The following NF1 variants were observed in gnomAD, a reference collection of about 807,000 sequenced individuals.
NF1 encodes neurofibromin.
A neutral mutation model predicts 325.7 loss-of-function variants in NF1; 122 were observed. The ratio of observed to expected loss-of-function variants is 0.37; its 90% CI spans 0.32 to 0.44. NF1 has a LOEUF of 0.44. Ranked by LOEUF, NF1 falls within the 20% of genes least tolerant of loss-of-function variation. NF1 has a pLI of 1.00. For synonymous variants in NF1, 1,091 were observed against 1,186.0 expected, an observed-to-expected ratio of 0.92 and a Z score of 1.65; for missense variants, 2,140 against 3,415.4, an observed-to-expected ratio of 0.63 and a Z score of 9.31.
intron 36 of NF1, among the ~76,000 whole-genome samples, chr17:31,309,213 T>C (rs1470434705): frequency 6.6e-6 from 1 of 152,228 alleles, no homozygotes; most frequent in Non-Finnish European, 1.5e-5. Flanking sequence ...CTCATGTTTT[T>C]ATATTTTGAT....
chr17:31,182,352 A>G lies in NF1; in HGVS notation c.731-156A>G, dbSNP rs143383206. 4.8e-3 allele frequency among the ~76,000 whole-genome samples: 730 copies of G among 152,310 alleles called. 7 individuals are homozygous for G. The highest frequency in any genetic ancestry group is 0.016 in the African/African-American group (666 of 41,566). ...ATAGACAGTATTACATTGCTTGTCT[A>G]CTTACCAGAATGCATTTGTGTAGTT... On this transcript the variant is annotated intron_variant, in intron 7 of 57. Coordinates refer to ENST00000358273, the MANE Select transcript of NF1 (RefSeq NM_001042492.3).
chr17:31,237,423 C>T (rs1278951600), intron 29 of NF1, among the ~76,000 whole-genome samples: 1 of 152,032 alleles, frequency 6.6e-6, no homozygotes, highest in Non-Finnish European at 1.5e-5. Context: ...TACAGGCATG[C>T]ACCACCATGC....
At chr17:31,313,835 T>G in intron 36 of NF1, 1 of 387,590 alleles carries the variant, frequency 2.6e-6, no homozygotes, top group Non-Finnish European at 4.5e-6. Flanking sequence ...CTGAGTATTT[T>G]TTAATTCTAT....
Position 31,279,650 on chromosome 17 carries a change from A to C in NF1, c.4835+14311A>C, listed in dbSNP as rs150395219. Among the ~76,000 whole-genome samples the C allele has an allele frequency of 7.1e-3, 1,082 of 152,210 alleles. 10 individuals are homozygous for C. Among genetic ancestry groups the C allele is most frequent in the South Asian group, 0.032 (154 of 4,822 alleles). On this transcript the variant is annotated intron_variant, in intron 36 of 57. Transcript: ENST00000358273. ...TTTTGTGAACAATGGATATGCAAAA[A>C]GACAGGCCATTGTTATGAGAGGCCT...
intron 12 of NF1, among the ~76,000 whole-genome samples, chr17:31,213,533 C>A (rs960464257): frequency 2.0e-5 from 3 of 151,986 alleles, no homozygotes; most frequent in African/African-American, 7.3e-5. Flanking sequence ...CTTGTTATTT[C>A]TGTATTATAT....
At chr17:31,235,584 A>G (rs764364867) in intron 27 of NF1, 27 bp from the exon 28 acceptor site, 1 of 1,613,292 alleles carries the variant, frequency 6.2e-7, no homozygotes, top group Admixed American at 1.7e-5. Flanking sequence ...GATTGTTTGC[A>G]CTAACCTGAT....
chr17:31,122,237 A>G (rs1235609847), intron 1 of NF1, among the ~76,000 whole-genome samples: 2 of 152,106 alleles, frequency 1.3e-5, no homozygotes, highest in African/African-American at 4.8e-5. Context: ...TTGTCATGAG[A>G]TTTGTTTAGG....
Position 31,223,428 on chromosome 17 carries a change from CT to C in NF1, c.1722-13del. 1.9e-6 allele frequency: 3 copies of C among 1,609,976 alleles called. No homozygotes were observed. Among genetic ancestry groups the C allele is most frequent in the Non-Finnish European group, 2.5e-6 (3 of 1,178,038 alleles). On this transcript the variant is annotated splice_polypyrimidine_tract_variant and intron_variant, in intron 15 of 57. Transcript: ENST00000358273. ...TATTGATGATGCTAGTAACAATGAA[CT>C]TTATGTTACTGCAGCTCACAAATGC...
intron 57 of NF1, among the ~76,000 whole-genome samples, chr17:31,363,276 C>G (rs867913624): frequency 6.6e-6 from 1 of 151,980 alleles, no homozygotes; most frequent in Non-Finnish European, 1.5e-5. Flanking sequence ...ATTACAGGCT[C>G]ATGTTCACAA....
intron 20 of NF1, 86 bp downstream of exon 20, chr17:31,227,692 G>A: frequency 8.3e-7 from 1 of 1,209,378 alleles, no homozygotes; most frequent in Non-Finnish European, 1.2e-6. Flanking sequence ...GAGTCGCTCA[G>A]TAAAGTAAAC....
chr17:31,295,273 T>TA, intron 36 of NF1: 1 of 1,614,118 alleles, frequency 6.2e-7, no homozygotes, highest in Non-Finnish European at 8.5e-7. Context: ...GATGAATAGT[T>TA]AGAGTTGCAG....
In NF1 at chr17:31,361,064, G is replaced by A. The variant is rs1328719630; in HGVS notation, c.8377+361G>A. On this transcript the variant is annotated intron_variant, in intron 57 of 57. Transcript: ENST00000358273. ...CCTAAGGGCCTCTTTCTCTGTCTCT[G>A]ATACAGCATACTATATCAAAAAAAA... 5.4e-5 allele frequency: 7 copies of A among 130,592 alleles called. No homozygotes were observed. The Admixed American group carries it at 7.8e-4, about 15-fold the overall frequency. The allele number at this position is 130,592 out of a possible 1,614,324, so 8.1% of individuals were successfully genotyped here. A position where few individuals can be genotyped will look rare whatever the true frequency, so the allele number is the denominator to read the frequency against.
chr17:31,265,222 C>T lies in NF1; in HGVS notation c.4725-7C>T, dbSNP rs765493750. Reference sequence around the variant, plus strand: ...GCCTCATAATTACTCTGTTATTTTTCTTTTAGGCATCAGGTACATGAAAAA... The same window carrying T: ...GCCTCATAATTACTCTGTTATTTTTTTTTTAGGCATCAGGTACATGAAAAA... On this transcript the variant is annotated splice_polypyrimidine_tract_variant and splice_region_variant and intron_variant, in intron 35 of 57. Coordinates refer to ENST00000358273, the MANE Select transcript of NF1 (RefSeq NM_001042492.3). 7 of 1,597,506 alleles carry T rather than the reference C, an allele frequency of 4.4e-6. No homozygotes were observed. Among genetic ancestry groups the T allele is most frequent in the Non-Finnish European group, 2.6e-6 (3 of 1,165,540 alleles).
At chr17:31,300,461 C>G (rs890561679) in intron 36 of NF1, among the ~76,000 whole-genome samples, 3 of 151,998 alleles carry the variant, frequency 2.0e-5, no homozygotes, top group African/African-American at 4.8e-5. Flanking sequence ...GAGTATCACT[C>G]CATATCAGTA....
intron 8 of NF1, among the ~76,000 whole-genome samples, chr17:31,187,503 C>T (rs1469329764): frequency 6.6e-6 from 1 of 152,112 alleles, no homozygotes; most frequent in Non-Finnish European, 1.5e-5. Context: ...CCACACTGGT[C>T]TTAACCATGT....
At chr17:31,303,510 C>T (rs946254373) in intron 36 of NF1, among the ~76,000 whole-genome samples, 14 of 151,908 alleles carry the variant, frequency 9.2e-5, no homozygotes, top group African/African-American at 3.1e-4. Context: ...CCAAAGTCAC[C>T]CGTATTTAGA....
Position 31,374,181 on chromosome 17 carries a change from T to A in NF1, c.*26T>A, listed in dbSNP as rs757722140. The A allele has an allele frequency of 9.9e-6, 16 of 1,613,760 alleles. No homozygotes were observed. The Admixed American group carries it at 2.7e-4, about 27-fold the overall frequency. ...AGCTTGCTTGCTTTCTTTTTTAAAATCAACTTAACATGGGCTCTTCACTAG... is the reference window on the plus strand; with the variant it reads ...AGCTTGCTTGCTTTCTTTTTTAAAAACAACTTAACATGGGCTCTTCACTAG... On this transcript the variant is annotated 3_prime_UTR_variant, in exon 58 of 58. Transcript: ENST00000358273.
At position 31,185,383 on chromosome 17, in the gene NF1, G is replaced by A. The variant is rs141036132; in HGVS notation, c.888+2718G>A. Among the ~76,000 whole-genome samples the A allele has an allele frequency of 3.4e-4, 52 of 152,220 alleles. 1 individual carries two copies. The highest frequency in any genetic ancestry group is 1.2e-3 in the African/African-American group (50 of 41,528). ...TTCACTTCCACAACATATGACACTG[G>A]TCTATTACATTAATGATATTATGCT... On this transcript the variant is annotated intron_variant, in intron 8 of 57. Coordinates refer to ENST00000358273, the MANE Select transcript of NF1 (RefSeq NM_001042492.3).
intron 37 of NF1, among the ~76,000 whole-genome samples, chr17:31,327,212 T>C (rs1424131554): frequency 6.6e-6 from 1 of 152,182 alleles, no homozygotes; most frequent in Non-Finnish European, 1.5e-5. Flanking sequence ...TCTGCCCACC[T>C]CGGCCTCCCA....
Sources: gnomAD v4.1 joint callset for allele counts (sites outside exome capture counted in the v4.1 genomes callset) on GRCh38, gnomAD v4.1.1 for gene constraint, MANE v1.5 for transcripts, NCBI Gene and HGNC (gene_info 2026-07-23, HGNC 2026-07-21) for gene names.